CACNA1E: variants seen among roughly 807,000 people sequenced by gnomAD.
CACNA1E encodes voltage-dependent R-type calcium channel subunit alpha-1E.
A neutral mutation model predicts 259.2 loss-of-function variants in CACNA1E; 40 were observed. The ratio of observed to expected loss-of-function variants is 0.15; its 90% confidence interval spans 0.12 to 0.20. The LOEUF (loss-of-function observed/expected upper bound fraction) is 0.20, where lower values mean the gene tolerates loss of function less well. CACNA1E is among the 10% of genes least tolerant of loss of function. The probability of loss-of-function intolerance (pLI) is 1.00; values close to 1 mark genes in which losing one functional copy is unlikely to be tolerated. For missense variants in CACNA1E, 1,874 were observed against 3,040.1 expected (o/e 0.62, Z 9.02); for synonymous variants, 1,104 against 1,138.5 (o/e 0.97, Z 0.61).
chr1:181,754,986 C>G (rs947952612), intron 27 of CACNA1E, among the ~76,000 whole-genome samples: 3 of 152,230 alleles, frequency 2.0e-5, no homozygotes, highest in Non-Finnish European at 2.9e-5. Context: ...CATCTGATTT[C>G]TACTGCGTTG....
intron 6 of CACNA1E, among the ~76,000 whole-genome samples, chr1:181,585,433 T>C (rs910290337): frequency 6.6e-6 from 1 of 152,238 alleles, no homozygotes; most frequent in African/African-American, 2.4e-5. Flanking sequence ...CCAAATACTG[T>C]TCTAGATGTT....
chr1:181,679,667 A>T (rs557842043), intron 7 of CACNA1E, among the ~76,000 whole-genome samples: 63 of 152,310 alleles, frequency 4.1e-4, no homozygotes, highest in African/African-American at 1.5e-3. Context: ...CACTGCAGTG[A>T]TGGGATTCTG....
At chr1:181,731,130 C>T in intron 18 of CACNA1E, 45 bp from the exon 19 acceptor site, 1 of 1,518,544 alleles carries the variant, frequency 6.6e-7, no homozygotes, top group Non-Finnish European at 9.1e-7. Flanking sequence ...GCTTGAGGTT[C>T]CTAGAGGTTG....
rs747655304 is a variant in CACNA1E at position 181,796,744 on chromosome 1, T to G, written c.6285T>G (p.Pro2095=). The change falls in exon 47 of 48, where the codon CCT becomes CCG. Residue 2095 remains proline, a synonymous_variant. Transcript: ENST00000367573. ...AAGAGCGAAAGCATCTTCTCTCTCC[T>G]GATGTCTCCCGCTGCAATTCAGAAG... ...RSKERKHLLS[P]DVSRCNSEER... is the part of the protein sequence containing the mutation. The G allele has an allele frequency of 6.2e-7, 1 of 1,613,556 alleles. No homozygotes were observed.
intron 1 of CACNA1E, among the ~76,000 whole-genome samples, chr1:181,345,013 C>T (rs1370565343): frequency 6.6e-6 from 1 of 152,206 alleles, no homozygotes; most frequent in African/African-American, 2.4e-5. Context: ...CAGGCCAGAC[C>T]CTGGAGGTAA....
chr1:181,664,374 G>C (rs567974356), intron 7 of CACNA1E, among the ~76,000 whole-genome samples: 1 of 152,318 alleles, frequency 6.6e-6, no homozygotes, highest in South Asian at 2.1e-4. Flanking sequence ...CTGTTCTCTA[G>C]ATGCTGGGGA....
intron 7 of CACNA1E, among the ~76,000 whole-genome samples, chr1:181,682,097 G>A (rs1167050904): frequency 6.6e-6 from 1 of 152,142 alleles, no homozygotes; most frequent in East Asian, 1.9e-4. Context: ...AGAAGGCTGG[G>A]AGCCAAAAGT....
At position 181,772,174 on chromosome 1, in the gene CACNA1E, C is replaced by T. The variant is rs148991237; in HGVS notation, c.5082C>T (p.Cys1694=). ...APSGQNENER[C]GTDLAYVYFV... ...CAGGGCAGAACGAGAACGAACGCTG[C>T]GGCACCGATCTGGCCTACGTGTACT... Residue 1694 remains cysteine, a synonymous_variant, in exon 37 of 48, where the codon TGC becomes TGT. Coordinates refer to ENST00000367573, the MANE Select transcript of CACNA1E (RefSeq NM_001205293.3). 36 of 1,613,942 alleles carry T rather than the reference C, an allele frequency of 2.2e-5. No individual in the cohort carries two copies. The highest frequency in any genetic ancestry group is 5.3e-5 in the African/African-American group (4 of 75,038).
chr1:181,623,529 A>G (rs541874030), intron 6 of CACNA1E, among the ~76,000 whole-genome samples: 38 of 152,324 alleles, frequency 2.5e-4, no homozygotes, highest in Admixed American at 1.6e-3. Context: ...AAAAAATTGA[A>G]CAGCAATAAA....
chr1:181,796,079 G>T (rs1661781902), intron 46 of CACNA1E, among the ~76,000 whole-genome samples: 1 of 152,138 alleles, frequency 6.6e-6, no homozygotes, highest in Non-Finnish European at 1.5e-5. Flanking sequence ...TATATTGTGT[G>T]TAGCATAAAT....
intron 1 of CACNA1E, among the ~76,000 whole-genome samples, chr1:181,368,251 A>C (rs1654423944): frequency 6.6e-6 from 1 of 150,790 alleles, no homozygotes. Flanking sequence ...ATAAAAAGAA[A>C]ATGTGTCATT....
Position 181,485,491 on chromosome 1 carries a change from C to A in CACNA1E, c.266+1481C>A, listed in dbSNP as rs923449928. On this transcript the variant is annotated intron_variant, in intron 1 of 47. Coordinates refer to ENST00000367573, the MANE Select transcript of CACNA1E (RefSeq NM_001205293.3). This position sits in a 1 kb window ranked among gnomAD's most constrained non-coding sequence, Gnocchi z 4.2. ...GCTGTTCGCATCCTCCCACAGCAAC[C>A]CCGGCTGGGCTTCTCCCTCTCTCCT... Among the ~76,000 whole-genome samples, 2 of 152,174 alleles carry A rather than the reference C, an allele frequency of 1.3e-5. No homozygotes were observed. The highest frequency in any genetic ancestry group is 4.8e-5 in the African/African-American group (2 of 41,436).
chr1:181,393,668 G>C (rs1656452702), intron 1 of CACNA1E, among the ~76,000 whole-genome samples: 2 of 152,136 alleles, frequency 1.3e-5, no homozygotes, highest in Non-Finnish European at 2.9e-5. Flanking sequence ...ATGTTGCCTA[G>C]GCTGGTCTCG....
intron 3 of CACNA1E, among the ~76,000 whole-genome samples, chr1:181,570,758 C>A (rs780276294): frequency 1.3e-5 from 2 of 152,168 alleles, no homozygotes; most frequent in Non-Finnish European, 2.9e-5. Flanking sequence ...CTGCCTTTTT[C>A]TTGTAAGGGC....
intron 8 of CACNA1E, among the ~76,000 whole-genome samples, chr1:181,712,785 T>C (rs1400388163): frequency 6.6e-6 from 1 of 151,996 alleles, no homozygotes; most frequent in Non-Finnish European, 1.5e-5. Context: ...TCCTTGGCTT[T>C]CTCGGCGGAG....
chr1:181,369,422 A>G lies in CACNA1E; in HGVS notation c.-14-43711A>G, dbSNP rs1424837957. On this transcript the variant is annotated intron_variant, in intron 1 of 11. Coordinates refer to the CACNA1E transcript ENST00000524607. ...GTCAGAGTCCCCTGCGAGGGAAGCT[A>G]ATTTTCTAGACATTAACTAAGGGAC... 2.0e-5 allele frequency among the ~76,000 whole-genome samples: 3 copies of G among 152,244 alleles called. No individual in the cohort carries two copies. In the East Asian group the frequency reaches 5.8e-4, roughly 29 times the overall value.
chr1:181,599,157 CCCATGTGT>C (rs1653497096), intron 6 of CACNA1E, among the ~76,000 whole-genome samples: 1 of 151,974 alleles, frequency 6.6e-6, no homozygotes. Context: ...GTTCCCCCCT[CCCATGTGT>C]CCATGTGTTC....
chr1:181,560,225 C>CT lies in CACNA1E; in HGVS notation c.513-17531dup, dbSNP rs958022621. 3.4e-3 allele frequency among the ~76,000 whole-genome samples: 487 copies of CT among 142,512 alleles called. 2 individuals are homozygous for CT. The highest frequency in any genetic ancestry group is 4.9e-3 in the Non-Finnish European group (318 of 65,082). The allele number at this position is 142,512 out of a possible 152,430, so 93.5% of individuals were successfully genotyped here. A position where few individuals can be genotyped will look rare whatever the true frequency, so the allele number is the denominator to read the frequency against. ...TAGGAAGATACTGCAAACAACCTTG[C>CT]TTTTTTTTTTAAGTTTTTTTTTGTG... is the stretch of plus-strand genomic sequence containing the variant. On this transcript the variant is annotated intron_variant, in intron 3 of 47. Transcript: ENST00000367573.
chr1:181,641,710 T>TG (rs1558217619), intron 6 of CACNA1E, among the ~76,000 whole-genome samples: 6 of 61,444 alleles, frequency 9.8e-5, no homozygotes, highest in Non-Finnish European at 2.2e-4. Context: ...TTTGTTTTTT[T>TG]TTTTTTTTTT....
Sources: allele counts gnomAD v4.1 joint callset (sites outside exome capture counted in the v4.1 genomes callset), GRCh38; gene constraint gnomAD v4.1.1; non-coding constraint Gnocchi (gnomAD v3.1); transcripts MANE v1.5; gene names NCBI Gene and HGNC (gene_info 2026-07-23, HGNC 2026-07-21).